C12orf42: variants seen among roughly 807,000 people sequenced by gnomAD.
C12orf42 encodes the protein chromosome 12 open reading frame 42.
Under a neutral mutation model 21.6 loss-of-function variants are expected in C12orf42, and 25 were observed. The observed-to-expected ratio is 1.16, with a 90% CI of 0.84 to 1.62. The LOEUF is 1.62. C12orf42 is among the 40% of genes most tolerant of loss of function. C12orf42 has a pLI of 0.00. For missense variants in C12orf42, 483 were observed against 459.3 expected (o/e 1.05, Z -0.47); for synonymous variants, 174 against 175.0 (o/e 0.99, Z 0.05).
At chr12:103,305,342 C>A (rs2038171767) in intron 5 of C12orf42, among the ~76,000 whole-genome samples, 1 of 152,156 alleles carries the variant, frequency 6.6e-6, no homozygotes. Context: ...CATCACCACC[C>A]CCATTAAGCC....
chr12:103,329,844 A>G (rs914344427), intron 4 of C12orf42, among the ~76,000 whole-genome samples: 2 of 151,884 alleles, frequency 1.3e-5, no homozygotes, highest in Non-Finnish European at 2.9e-5. Context: ...ACAAATATTA[A>G]TAGAAAATTG....
chr12:103,069,399 TACCTA>T, the C12orf42 span, among the ~76,000 whole-genome samples: 1 of 152,172 alleles, frequency 6.6e-6, no homozygotes, highest in Admixed American at 6.6e-5. Flanking sequence ...GCATTTAATA[TACCTA>T]ACCTATCAAA....
At chr12:103,083,943 T>C in the C12orf42 span, among the ~76,000 whole-genome samples, 1 of 152,222 alleles carries the variant, frequency 6.6e-6, no homozygotes, top group South Asian at 2.1e-4. Context: ...TGTTGGAAAA[T>C]TCATATAGTG....
intron 10 of C12orf42, among the ~76,000 whole-genome samples, chr12:103,255,925 T>C (rs1029392872): frequency 4.0e-5 from 6 of 149,236 alleles, no homozygotes; most frequent in African/African-American, 1.2e-4. Flanking sequence ...TGGTGGCAGG[T>C]GCCTGTAGTC....
At chr12:103,088,341 A>T in the C12orf42 span, among the ~76,000 whole-genome samples, 1 of 152,252 alleles carries the variant, frequency 6.6e-6, no homozygotes, top group African/African-American at 2.4e-5. Context: ...ATGACTAAAT[A>T]AGAAATAGGG....
intron 4 of C12orf42, among the ~76,000 whole-genome samples, chr12:103,334,806 G>A (rs945190249): frequency 2.0e-5 from 3 of 152,192 alleles, no homozygotes; most frequent in East Asian, 1.9e-4. Flanking sequence ...ACCATATGGC[G>A]AATAATTAGT....
the C12orf42 span, among the ~76,000 whole-genome samples, chr12:103,561,598 C>T: frequency 6.6e-6 from 1 of 152,164 alleles, no homozygotes; most frequent in Non-Finnish European, 1.5e-5. Flanking sequence ...TAATACCATC[C>T]CATCAAGGGT....
chr12:103,072,127 C>G, the C12orf42 span, among the ~76,000 whole-genome samples: 1 of 152,148 alleles, frequency 6.6e-6, no homozygotes, highest in Non-Finnish European at 1.5e-5. Flanking sequence ...CAAGTGCCAT[C>G]ACTTTTGTGC....
chr12:103,523,862 G>T, the C12orf42 span, among the ~76,000 whole-genome samples: 3 of 151,906 alleles, frequency 2.0e-5, no homozygotes, highest in Non-Finnish European at 4.4e-5. Context: ...TAGGGAACTT[G>T]CCCAAGACCA....
intron 4 of C12orf42, among the ~76,000 whole-genome samples, chr12:103,328,373 G>A (rs918292334): frequency 7.2e-5 from 11 of 151,950 alleles, no homozygotes; most frequent in African/African-American, 2.4e-4. Context: ...CGGGAGGAGG[G>A]AGATGTTACT....
At chr12:103,515,251 G>A in the C12orf42 span, among the ~76,000 whole-genome samples, 1 of 152,076 alleles carries the variant, frequency 6.6e-6, no homozygotes, top group Non-Finnish European at 1.5e-5. Context: ...CATTTAAAAG[G>A]CAAAAAATAT....
At chr12:103,332,318 C>T (rs777074340) in intron 4 of C12orf42, among the ~76,000 whole-genome samples, 15 of 152,290 alleles carry the variant, frequency 9.8e-5, no homozygotes, top group South Asian at 2.1e-4. Flanking sequence ...CCAGCACACT[C>T]ACCATGTAAA....
intron 2 of C12orf42, among the ~76,000 whole-genome samples, chr12:103,464,750 T>G (rs1421039894): frequency 6.6e-6 from 1 of 152,200 alleles, no homozygotes; most frequent in Non-Finnish European, 1.5e-5. Context: ...GTACAAGGCG[T>G]AAGGAAGGGG....
At chr12:103,243,128 A>C (rs569563311) in intron 10 of C12orf42, among the ~76,000 whole-genome samples, 97 of 152,210 alleles carry the variant, frequency 6.4e-4, no homozygotes, top group African/African-American at 2.2e-3. Flanking sequence ...GACTCAAGTG[A>C]TTCTTCTACC....
chr12:103,110,613 CTAAAA>C, the C12orf42 span, among the ~76,000 whole-genome samples: 2 of 151,910 alleles, frequency 1.3e-5, no homozygotes, highest in Non-Finnish European at 1.5e-5. Context: ...TATATTATAA[CTAAAA>C]TAAAGTTTAA....
At chr12:103,281,952 AAAG>A (rs1207009494) in intron 4 of C12orf42, among the ~76,000 whole-genome samples, 1 of 151,284 alleles carries the variant, frequency 6.6e-6, no homozygotes, top group Non-Finnish European at 1.5e-5. Flanking sequence ...AGAAAGAAAG[AAAG>A]AAAGAAAGAG....
At chr12:103,119,135 A>G in the C12orf42 span, among the ~76,000 whole-genome samples, 1 of 152,284 alleles carries the variant, frequency 6.6e-6, no homozygotes, top group Admixed American at 6.5e-5. Context: ...AATGGTTAGG[A>G]GCGTATGGGC....
chr12:103,516,856 C>A, the C12orf42 span, among the ~76,000 whole-genome samples: 1 of 152,142 alleles, frequency 6.6e-6, no homozygotes, highest in Non-Finnish European at 1.5e-5. Context: ...TTATTGGTAT[C>A]ACACAAATAG....
downstream of C12orf42, chr12:103,267,697 G>C (rs2035238470): frequency 1.3e-5 from 2 of 152,154 alleles, no homozygotes; most frequent in Non-Finnish European, 2.9e-5. Flanking sequence ...AGGTGTTTTA[G>C]AGATGACAAA....
Sources: allele counts gnomAD v4.1 joint callset (sites outside exome capture counted in the v4.1 genomes callset), GRCh38; gene constraint gnomAD v4.1.1; transcripts MANE v1.5; gene names NCBI Gene and HGNC (gene_info 2026-07-23, HGNC 2026-07-21).